PLAT: variants seen among roughly 807,000 people sequenced by gnomAD.
PLAT encodes plasminogen activator, tissue type.
Under a neutral mutation model 74.9 loss-of-function variants are expected in PLAT, and 48 were observed. That is an observed-to-expected ratio of 0.64 (90% CI 0.51 to 0.82). The LOEUF is 0.82. Ranked by LOEUF, PLAT falls within the 40% of genes least tolerant of loss-of-function variation. The probability of loss-of-function intolerance (pLI) is 0.00; values close to 1 mark genes in which losing one functional copy is unlikely to be tolerated. For synonymous variants in PLAT, 307 were observed against 294.4 expected (o/e 1.04, Z -0.44); for missense variants, 673 against 736.2 (o/e 0.91, Z 0.99).
At chr8:42,180,134 G>A in intron 11 of PLAT, 68 bp from the exon 12 acceptor site, 4 of 1,586,812 alleles carry the variant, frequency 2.5e-6, no homozygotes, top group Non-Finnish European at 3.4e-6. Flanking sequence ...GAACACGCAG[G>A]AGGGGCAGGG....
chr8:42,191,457 G>A (rs1460853076), intron 2 of PLAT, 43 bp from the exon 3 acceptor site: 2 of 1,598,756 alleles, frequency 1.3e-6, no homozygotes, highest in South Asian at 1.1e-5. Flanking sequence ...GCACATGCCA[G>A]GTGTACTAAG....
chr8:42,184,898 T>C (rs1172492602), intron 7 of PLAT, 183 bp downstream of exon 7: 1 of 472,298 alleles, frequency 2.1e-6, no homozygotes, highest in African/African-American at 2.0e-5. Flanking sequence ...GTCAGACAAA[T>C]AGCCAGTCAG....
At chr8:42,203,301 C>T (rs1806203353) in intron 1 of PLAT, among the ~76,000 whole-genome samples, 1 of 152,206 alleles carries the variant, frequency 6.6e-6, no homozygotes, top group African/African-American at 2.4e-5. Context: ...GTGTCAGGAG[C>T]ATCGCGTGGT....
chr8:42,176,932 C>T (rs1472909829), intron 13 of PLAT, among the ~76,000 whole-genome samples: 1 of 152,004 alleles, frequency 6.6e-6, no homozygotes, highest in East Asian at 1.9e-4. Flanking sequence ...GTTTTTATGA[C>T]TAGAAATATT....
intron 1 of PLAT, among the ~76,000 whole-genome samples, chr8:42,202,554 A>G (rs8178689): frequency 0.018 from 2,654 of 149,524 alleles, 47 homozygotes; most frequent in South Asian, 0.064. Context: ...TCTGTTAAGC[A>G]TTCACAGACA....
intron 1 of PLAT, among the ~76,000 whole-genome samples, chr8:42,194,722 A>C (rs1387143982): frequency 1.3e-5 from 2 of 152,184 alleles, no homozygotes. Flanking sequence ...TCCTCCACGC[A>C]GGATGGAGCC....
At position 42,182,696 on chromosome 8, in the gene PLAT, C is replaced by T. The variant is rs761474125; in HGVS notation, c.803+23G>A. 27 of 1,566,504 alleles carry T rather than the reference C, an allele frequency of 1.7e-5. No individual in the cohort carries two copies. The East Asian group carries it at 5.7e-4, about 33-fold the overall frequency. On this transcript the variant is annotated intron_variant, in intron 8 of 13. Coordinates refer to ENST00000220809, the MANE Select transcript of PLAT (RefSeq NM_000930.5). ...ATCCCACGTTCTGCCAAGACCTGAA[C>T]CCCCCACCCCTGTGCTACCTACCGG...
intron 13 of PLAT, among the ~76,000 whole-genome samples, chr8:42,178,288 G>C (rs1341954720): frequency 9.3e-5 from 4 of 42,900 alleles, no homozygotes; most frequent in African/African-American, 3.7e-4. Flanking sequence ...TTTTTTTTTT[G>C]AGATCGAGTT....
In PLAT at chr8:42,178,268, T is replaced by C. The variant is rs796593096; in HGVS notation, c.1530+629A>G. Among the ~76,000 whole-genome samples the C allele has an allele frequency of 2.5e-3, 365 of 143,482 alleles. 1 individual carries two copies. Among genetic ancestry groups the C allele is most frequent in the African/African-American group, 8.1e-3 (320 of 39,528 alleles). 94.1% of individuals were successfully genotyped at this position (143,482 alleles called of 152,430 possible). A position where few individuals can be genotyped will look rare whatever the true frequency, so the allele number is the denominator to read the frequency against. ...AACAGAGGCAAACATTTCTTTCTTTTTTTTTTTTTTTTTTTTTTTGAGATC... is the reference window on the plus strand; with the variant it reads ...AACAGAGGCAAACATTTCTTTCTTTCTTTTTTTTTTTTTTTTTTTGAGATC... On this transcript the variant is annotated intron_variant, in intron 13 of 13. Transcript: ENST00000220809.
At chr8:42,197,817 TA>T (rs1288300622) in intron 1 of PLAT, among the ~76,000 whole-genome samples, 1 of 152,010 alleles carries the variant, frequency 6.6e-6, no homozygotes, top group African/African-American at 2.4e-5. Context: ...GACTGAAAAA[TA>T]ATTAATGTGC....
chr8:42,177,291 T>C (rs917079579), intron 13 of PLAT, among the ~76,000 whole-genome samples: 1 of 152,214 alleles, frequency 6.6e-6, no homozygotes, highest in Non-Finnish European at 1.5e-5. Flanking sequence ...GTGGTAAAAT[T>C]GGTTTTGTTA....
intron 1 of PLAT, among the ~76,000 whole-genome samples, chr8:42,204,588 G>A (rs1383061678): frequency 2.0e-5 from 3 of 151,426 alleles, no homozygotes; most frequent in Admixed American, 1.3e-4. Context: ...GGTGGCGGGC[G>A]CCTGTAATCC....
At chr8:42,194,737 C>A (rs1248697129) in intron 1 of PLAT, among the ~76,000 whole-genome samples, 2 of 152,194 alleles carry the variant, frequency 1.3e-5, no homozygotes, top group Non-Finnish European at 2.9e-5. Context: ...GGAGCCTACT[C>A]CCCTGCCTGA....
intron 6 of PLAT, chr8:42,187,087 A>G: frequency 4.0e-6 from 1 of 250,374 alleles, no homozygotes. Flanking sequence ...TCATCTATTT[A>G]TCTATCAATC....
At chr8:42,206,854 C>A (rs1003020325) in intron 1 of PLAT, among the ~76,000 whole-genome samples, 1 of 152,184 alleles carries the variant, frequency 6.6e-6, no homozygotes, top group Non-Finnish European at 1.5e-5. Flanking sequence ...GACTGATGCA[C>A]CCTGGGCAAA....
chr8:42,182,353 T>C, intron 8 of PLAT: 1 of 170,514 alleles, frequency 5.9e-6, no homozygotes, highest in Non-Finnish European at 1.2e-5. Flanking sequence ...AGAACTTCTC[T>C]TTAACTTTGT....
At chr8:42,194,241 A>AGAGAGAGAGAGCGTGT (rs1419569830) in intron 1 of PLAT, among the ~76,000 whole-genome samples, 1 of 52,544 alleles carries the variant, frequency 1.9e-5, no homozygotes, top group African/African-American at 6.7e-5. Flanking sequence ...AGAGAGAGAG[A>AGAGAGAGAGAGCGTGT]GTGTGTGTGT....
intron 1 of PLAT, among the ~76,000 whole-genome samples, chr8:42,196,086 A>G (rs1293157388): frequency 6.6e-6 from 1 of 152,218 alleles, no homozygotes; most frequent in Non-Finnish European, 1.5e-5. Flanking sequence ...GGAAACTGCA[A>G]TGTGAAGAGT....
intron 1 of PLAT, among the ~76,000 whole-genome samples, chr8:42,204,713 TAAA>T (rs76761892): frequency 2.5e-5 from 3 of 122,112 alleles, no homozygotes; most frequent in African/African-American, 6.0e-5. Context: ...GACTCCATCT[TAAA>T]AAAAAAAAAA....
Sources: gnomAD v4.1 joint callset for allele counts (sites outside exome capture counted in the v4.1 genomes callset) on GRCh38, gnomAD v4.1.1 for gene constraint, MANE v1.5 for transcripts, NCBI Gene and HGNC (gene_info 2026-07-23, HGNC 2026-07-21) for gene names.